The following WSB2 variants were observed in gnomAD, a reference collection of about 807,000 sequenced individuals.
WSB2 encodes the protein WD repeat and SOCS box containing 2.
A neutral mutation model predicts 48.8 loss-of-function variants in WSB2; 12 were observed. The ratio of observed to expected loss-of-function variants is 0.25; its 90% CI spans 0.16 to 0.40. WSB2 has a LOEUF of 0.40. Among genes scored for constraint, WSB2 ranks in the 10% least tolerant of loss-of-function variants. The probability of loss-of-function intolerance (pLI) is 1.00; values close to 1 mark genes in which losing one functional copy is unlikely to be tolerated. For synonymous variants in WSB2, 191 were observed against 203.1 expected, an observed-to-expected ratio of 0.94 and a Z score of 0.51; for missense variants, 317 against 506.2, an observed-to-expected ratio of 0.63 and a Z score of 3.59.
intron 8 of WSB2, 28 bp downstream of exon 8, chr12:118,034,957 AC>A (rs762916772): frequency 6.2e-7 from 1 of 1,601,072 alleles, no homozygotes; most frequent in Non-Finnish European, 8.6e-7. Flanking sequence ...AGAAAGCACC[AC>A]CCATCTGTTC....
intron 1 of WSB2, among the ~76,000 whole-genome samples, chr12:118,053,319 G>A (rs1045388871): frequency 9.9e-5 from 15 of 152,088 alleles, no homozygotes; most frequent in South Asian, 2.1e-4. Flanking sequence ...GCTTATTTAC[G>A]TTCACACCTG....
intron 4 of WSB2, among the ~76,000 whole-genome samples, chr12:118,040,166 C>CT (rs1206856385): frequency 3.9e-5 from 6 of 152,016 alleles, no homozygotes; most frequent in Admixed American, 3.9e-4. Context: ...CAGTGAGACT[C>CT]TGTCTCAAAA....
At position 118,049,695 on chromosome 12, in the gene WSB2, G is replaced by A. The variant is rs550825062; in HGVS notation, c.182+2615C>T. On this transcript the variant is annotated intron_variant, in intron 2 of 8. Transcript: ENST00000315436. ...TGGGATTACAGGCATCAGGTACCGC[G>A]CCCAGCCCAGAAGAACATTTTTCAG... is the stretch of plus-strand genomic sequence containing the variant. 5.9e-5 allele frequency among the ~76,000 whole-genome samples: 9 copies of A among 152,078 alleles called. No homozygotes were observed. In the East Asian group the frequency reaches 7.7e-4, roughly 13 times the overall value.
chr12:118,034,075 A>T lies in WSB2; in HGVS notation c.*121T>A. 1 of 1,364,188 alleles carries T rather than the reference A, an allele frequency of 7.3e-7. No individual in the cohort carries two copies. Among genetic ancestry groups the T allele is most frequent in the Non-Finnish European group, 1.0e-6 (1 of 977,226 alleles). The allele number at this position is 1,364,188 out of a possible 1,614,324, so 84.5% of individuals were successfully genotyped here. On this transcript the variant is annotated 3_prime_UTR_variant, in exon 9 of 9. Coordinates refer to ENST00000315436, the MANE Select transcript of WSB2 (RefSeq NM_018639.5). The stretch of plus-strand genomic sequence containing the variant: ...CTGGAATCTGGTTTTGCTACATTCT[A>T]TTCACAATCCCAAAGAAATGCTATT...
intron 2 of WSB2, among the ~76,000 whole-genome samples, chr12:118,047,369 G>A (rs925649029): frequency 6.6e-6 from 1 of 151,940 alleles, no homozygotes. Flanking sequence ...AGCTGATGAG[G>A]CAAGACAGAT....
At chr12:118,051,535 T>C (rs1185484227) in intron 2 of WSB2, among the ~76,000 whole-genome samples, 1 of 152,192 alleles carries the variant, frequency 6.6e-6, no homozygotes, top group Non-Finnish European at 1.5e-5. Context: ...GTTGTATGAC[T>C]CCATTAATAG....
intron 2 of WSB2, among the ~76,000 whole-genome samples, chr12:118,051,400 CG>C (rs1459829406): frequency 1.3e-5 from 2 of 152,074 alleles, no homozygotes; most frequent in East Asian, 3.9e-4. Flanking sequence ...GATAAATGTA[CG>C]AACAAAATTT....
chr12:118,037,599 C>T (rs1210257697), intron 5 of WSB2, among the ~76,000 whole-genome samples: 10 of 149,210 alleles, frequency 6.7e-5, no homozygotes, highest in South Asian at 4.2e-4. Context: ...ACCCGGGAAG[C>T]GGAGGTTGCA....
At chr12:118,056,096 C>T (rs1450850510) in intron 1 of WSB2, among the ~76,000 whole-genome samples, 2 of 152,100 alleles carry the variant, frequency 1.3e-5, no homozygotes, top group Non-Finnish European at 2.9e-5. Context: ...CCCGCACCAT[C>T]GGTTCTCCTT....
chr12:118,046,645 C>A (rs1199032660), intron 2 of WSB2, among the ~76,000 whole-genome samples: 2 of 152,188 alleles, frequency 1.3e-5, no homozygotes, highest in Non-Finnish European at 1.5e-5. Context: ...GCACTGGCCC[C>A]TGAGTTTGTT....
chr12:118,043,532 C>A (rs1255379503), intron 2 of WSB2, among the ~76,000 whole-genome samples, 155 bp from the exon 3 acceptor site: 1 of 152,178 alleles, frequency 6.6e-6, no homozygotes. Flanking sequence ...GCAGCCTCGA[C>A]CTCCCTGTTC....
intron 2 of WSB2, among the ~76,000 whole-genome samples, chr12:118,049,076 AG>A (rs1448518531): frequency 6.6e-6 from 1 of 152,246 alleles, no homozygotes; most frequent in Non-Finnish European, 1.5e-5. Context: ...CTTTTTAAAA[AG>A]AGCAGACTAT....
chr12:118,034,906 A>T, intron 8 of WSB2, 80 bp downstream of exon 8: 1 of 1,365,312 alleles, frequency 7.3e-7, no homozygotes, highest in Non-Finnish European at 1.0e-6. Flanking sequence ...AGAAAATTCT[A>T]GATGGTTTCT....
chr12:118,034,574 G>GCTCTCTCTCTCTCTCT lies in WSB2; in HGVS notation c.1053-217_1053-216insAGAGAGAGAGAGAGAG, dbSNP rs368693869. The GCTCTCTCTCTCTCTCT allele has an allele frequency of 7.5e-4, 397 of 529,290 alleles. 2 individuals are homozygous for GCTCTCTCTCTCTCTCT. The highest frequency in any genetic ancestry group is 1.1e-3 in the Middle Eastern group (2 of 1,880). The allele number at this position is 529,290 out of a possible 1,614,324, so 32.8% of individuals were successfully genotyped here. A position where few individuals can be genotyped will look rare whatever the true frequency, so the allele number is the denominator to read the frequency against. ...CTCAAGACACCTGTGATACCAAAGC[G>GCTCTCTCTCTCTCTCT]CTCTCTCTGTCTCTCTCTCGGCACA... On this transcript the variant is annotated intron_variant, in intron 8 of 8. Coordinates refer to ENST00000315436, the MANE Select transcript of WSB2 (RefSeq NM_018639.5).
Position 118,033,946 on chromosome 12 carries a change from T to G in WSB2, c.*250A>C. The G allele has an allele frequency of 2.0e-6, 1 of 499,798 alleles. No homozygotes were observed. The highest frequency in any genetic ancestry group is 2.5e-5 in the South Asian group (1 of 39,948). The allele number at this position is 499,798 out of a possible 1,614,324, so 31.0% of individuals were successfully genotyped here. ...GAGTTCAACACTTGCTGTTCATAACTGGACTGAAAATTTAACGTAAGGCTC... is the reference window on the plus strand; with the variant it reads ...GAGTTCAACACTTGCTGTTCATAACGGGACTGAAAATTTAACGTAAGGCTC... On this transcript the variant is annotated 3_prime_UTR_variant, in exon 9 of 9. Transcript: ENST00000315436.
At chr12:118,057,672 T>C (rs1346219702) in intron 1 of WSB2, among the ~76,000 whole-genome samples, 1 of 152,200 alleles carries the variant, frequency 6.6e-6, no homozygotes, top group African/African-American at 2.4e-5. Flanking sequence ...GTCAAGCTCA[T>C]TACCATATAT....
chr12:118,061,548 A>C (rs1284931807), upstream of WSB2, among the ~76,000 whole-genome samples: 1 of 150,348 alleles, frequency 6.7e-6, no homozygotes, highest in Non-Finnish European at 1.5e-5. Flanking sequence ...AGCGATAGAA[A>C]CCGGAGTAGG....
At chr12:118,047,989 TG>T (rs2031777882) in intron 2 of WSB2, among the ~76,000 whole-genome samples, 1 of 152,146 alleles carries the variant, frequency 6.6e-6, no homozygotes. Context: ...TGGCCTGGTA[TG>T]ATCAGAGCTC....
At chr12:118,034,574 G>GCTCTCTCTCTCTCTCTCTCTCTCTCT (rs368693869) in intron 8 of WSB2, 8,949 of 526,806 alleles carry the variant, frequency 0.017, 124 homozygotes, top group Non-Finnish European at 0.02. Flanking sequence ...ATACCAAAGC[G>GCTCTCTCTCTCTCTCTCTCTCTCTCT]CTCTCTCTGT....
Sources: gnomAD v4.1 joint callset for allele counts (sites outside exome capture counted in the v4.1 genomes callset) on GRCh38, gnomAD v4.1.1 for gene constraint, MANE v1.5 for transcripts, NCBI Gene and HGNC (gene_info 2026-07-23, HGNC 2026-07-21) for gene names.